Variants in CSMD1 observed in about 807,000 individuals in gnomAD.
CSMD1 encodes the protein CUB and Sushi multiple domains 1.
CSMD1 carries 213 observed loss-of-function variants against 417.5 expected under a neutral mutation model. The observed-to-expected ratio is 0.51, with a 90% confidence interval of 0.46 to 0.57. The LOEUF (loss-of-function observed/expected upper bound fraction) is 0.57, where lower values mean the gene tolerates loss of function less well. CSMD1 is among the 20% of genes least tolerant of loss of function. CSMD1 has a pLI of 0.00. For synonymous variants in CSMD1, 2,862 were observed against 1,736.8 expected (o/e 1.65, Z -16.11); for missense variants, 6,923 against 4,529.7 (o/e 1.53, Z -15.17).
chr8:3,842,131 C>CTCTTCTCCT (rs1193258506), intron 5 of CSMD1, among the ~76,000 whole-genome samples: 4 of 152,206 alleles, frequency 2.6e-5, no homozygotes, highest in African/African-American at 9.6e-5. Context: ...CAACCCCGAT[C>CTCTTCTCCT]TCTTCTCCTT....
intron 41 of CSMD1, among the ~76,000 whole-genome samples, chr8:3,125,463 T>A (rs1817455011): frequency 6.6e-6 from 1 of 152,102 alleles, no homozygotes; most frequent in Non-Finnish European, 1.5e-5. Flanking sequence ...AGAAAGAAAG[T>A]CATCAAGTGA....
At chr8:3,926,014 T>TACACACACACACACACAC in intron 5 of CSMD1, among the ~76,000 whole-genome samples, 1 of 123,388 alleles carries the variant, frequency 8.1e-6, no homozygotes, top group Non-Finnish European at 1.7e-5. Flanking sequence ...TATTTGTCTA[T>TACACACACACACACACAC]ACACACACAC....
At chr8:3,118,357 C>G in intron 42 of CSMD1, 42 bp downstream of exon 42, 1 of 1,385,438 alleles carries the variant, frequency 7.2e-7, no homozygotes, top group Non-Finnish European at 1.0e-6. Context: ...CTATTATGCC[C>G]ATGAAACATT....
chr8:4,181,293 A>G (rs1014482743), intron 3 of CSMD1, among the ~76,000 whole-genome samples: 2 of 152,214 alleles, frequency 1.3e-5, no homozygotes, highest in Non-Finnish European at 2.9e-5. Context: ...ATTTATTGTA[A>G]AACAATAATG....
chr8:4,172,234 C>G (rs1376851175), intron 3 of CSMD1, among the ~76,000 whole-genome samples: 2 of 152,086 alleles, frequency 1.3e-5, no homozygotes, highest in Non-Finnish European at 2.9e-5. Flanking sequence ...AGAATAGGGT[C>G]AAGTCTGCAC....
chr8:4,613,608 T>C (rs574356529), intron 2 of CSMD1, among the ~76,000 whole-genome samples: 3 of 152,294 alleles, frequency 2.0e-5, no homozygotes, highest in South Asian at 2.1e-4. Context: ...TTTCACCCTC[T>C]TTTTGCTAAG....
At chr8:3,967,732 A>C (rs1466037268) in intron 5 of CSMD1, among the ~76,000 whole-genome samples, 1 of 152,184 alleles carries the variant, frequency 6.6e-6, no homozygotes, top group Non-Finnish European at 1.5e-5. Flanking sequence ...TGAGTCCAAC[A>C]AAGGCCAAGA....
chr8:4,068,073 A>G (rs1302789086), intron 3 of CSMD1, among the ~76,000 whole-genome samples: 1 of 152,032 alleles, frequency 6.6e-6, no homozygotes, highest in Non-Finnish European at 1.5e-5. Context: ...GAGGGAGACA[A>G]CGTCTCAAAA....
chr8:4,961,083 A>C (rs1016679778), intron 1 of CSMD1, among the ~76,000 whole-genome samples: 1 of 152,116 alleles, frequency 6.6e-6, no homozygotes, highest in African/African-American at 2.4e-5. Context: ...AAAATTAACA[A>C]CGGGTGTTTA....
chr8:4,465,853 C>T (rs1179665968), intron 2 of CSMD1, among the ~76,000 whole-genome samples: 3 of 152,298 alleles, frequency 2.0e-5, no homozygotes, highest in Non-Finnish European at 4.4e-5. Flanking sequence ...ACATTCTATC[C>T]TCTTCACAGG....
intron 35 of CSMD1, among the ~76,000 whole-genome samples, 170 bp downstream of exon 35, chr8:3,188,717 G>C (rs1585600690): frequency 6.6e-6 from 1 of 151,626 alleles, no homozygotes; most frequent in African/African-American, 2.4e-5. Flanking sequence ...GAAATACTAA[G>C]AAAAGGGAAA....
chr8:3,358,466 C>T (rs1585048436), intron 21 of CSMD1, among the ~76,000 whole-genome samples: 1 of 152,184 alleles, frequency 6.6e-6, no homozygotes, highest in African/African-American at 2.4e-5. Flanking sequence ...TTACGATTCT[C>T]CTTTGCTAAA....
At chr8:4,342,136 G>C (rs1191630414) in intron 3 of CSMD1, among the ~76,000 whole-genome samples, 1 of 151,938 alleles carries the variant, frequency 6.6e-6, no homozygotes, top group Non-Finnish European at 1.5e-5. Context: ...AAGACAAGAA[G>C]CCAATCTAAG....
intron 2 of CSMD1, among the ~76,000 whole-genome samples, chr8:4,605,627 G>C (rs180873853): frequency 1.3e-5 from 2 of 152,262 alleles, no homozygotes; most frequent in African/African-American, 2.4e-5. Flanking sequence ...ACCTTTCCTA[G>C]TATCTTCCTT....
intron 2 of CSMD1, among the ~76,000 whole-genome samples, chr8:4,539,051 G>C (rs183461450): frequency 6.6e-6 from 1 of 152,290 alleles, no homozygotes; most frequent in African/African-American, 2.4e-5. Context: ...CCAGTGTTAG[G>C]TGCCAGAAAA....
intron 12 of CSMD1, among the ~76,000 whole-genome samples, chr8:3,457,692 T>C (rs900349525): frequency 1.3e-5 from 2 of 152,240 alleles, no homozygotes; most frequent in African/African-American, 4.8e-5. Flanking sequence ...AAGACTCTTG[T>C]TGAGATCATA....
chr8:3,638,139 G>A (rs1361162910), intron 7 of CSMD1, among the ~76,000 whole-genome samples: 2 of 152,250 alleles, frequency 1.3e-5, no homozygotes, highest in African/African-American at 4.8e-5. Flanking sequence ...TTAAACGTAA[G>A]ATCTCCTGCC....
chr8:3,462,153 C>T (rs559815544), intron 12 of CSMD1, among the ~76,000 whole-genome samples: 1 of 152,188 alleles, frequency 6.6e-6, no homozygotes, highest in South Asian at 2.1e-4. Context: ...CTGCTCGGGA[C>T]CCACACTGCA....
intron 26 of CSMD1, among the ~76,000 whole-genome samples, chr8:3,246,343 G>C (rs546932434): frequency 1.3e-5 from 2 of 152,200 alleles, no homozygotes; most frequent in East Asian, 3.9e-4. Flanking sequence ...TCTGGTCTTT[G>C]CAAAAATCCT....
Sources: allele counts gnomAD v4.1 joint callset (sites outside exome capture counted in the v4.1 genomes callset), GRCh38; gene constraint gnomAD v4.1.1; transcripts MANE v1.5; gene names NCBI Gene and HGNC (gene_info 2026-07-23, HGNC 2026-07-21).